Variants in OPRM1 observed in about 807,000 individuals in gnomAD.
The protein encoded by OPRM1 is opioid receptor mu 1.
OPRM1 carries 27 observed loss-of-function variants against 31.8 expected under a neutral mutation model. That is an observed-to-expected ratio of 0.85 (90% CI 0.63 to 1.17). OPRM1 has a LOEUF of 1.17. OPRM1 is among the 50% of genes most tolerant of loss of function. The pLI is 0.00. For synonymous variants in OPRM1, 196 were observed against 189.9 expected (o/e 1.03, Z -0.26); for missense variants, 536 against 511.1 (o/e 1.05, Z -0.47).
At chr6:154,029,819 T>A (rs981777903) in intron 1 of OPRM1, among the ~76,000 whole-genome samples, 7 of 152,090 alleles carry the variant, frequency 4.6e-5, no homozygotes, top group South Asian at 4.2e-4. Context: ...TATAGGAGGG[T>A]TTTTCCCCCT....
At chr6:154,103,188 C>G (rs1323281827) in intron 3 of OPRM1, among the ~76,000 whole-genome samples, 2 of 151,982 alleles carry the variant, frequency 1.3e-5, no homozygotes, top group Non-Finnish European at 2.9e-5. Context: ...ATCTCTGAAG[C>G]AAATAAGAAT....
chr6:154,085,375 G>A (rs1348278294), intron 1 of OPRM1, among the ~76,000 whole-genome samples: 6 of 152,204 alleles, frequency 3.9e-5, no homozygotes, highest in African/African-American at 1.4e-4. Flanking sequence ...GTTCTCAGAA[G>A]AACACAATTT....
intron 1 of OPRM1, among the ~76,000 whole-genome samples, chr6:154,050,747 A>G (rs1230858511): frequency 6.6e-6 from 1 of 152,172 alleles, no homozygotes; most frequent in East Asian, 1.9e-4. Context: ...CACATTTTAA[A>G]ATAACATAAA....
chr6:154,068,904 G>C (rs1390897203), intron 1 of OPRM1, among the ~76,000 whole-genome samples: 1 of 152,100 alleles, frequency 6.6e-6, no homozygotes, highest in Admixed American at 6.5e-5. Flanking sequence ...CATTCCAACA[G>C]GTACAAGCTG....
chr6:154,057,957 A>G (rs928298844), intron 1 of OPRM1, among the ~76,000 whole-genome samples: 4 of 152,262 alleles, frequency 2.6e-5, no homozygotes, highest in African/African-American at 4.8e-5. Context: ...AATTGACACT[A>G]TCTTTTAGAA....
At chr6:154,172,785 T>C (rs1363049624) in intron 3 of OPRM1, among the ~76,000 whole-genome samples, 2 of 152,248 alleles carry the variant, frequency 1.3e-5, no homozygotes, top group Non-Finnish European at 2.9e-5. Context: ...TGTCCTTGCC[T>C]GACAGCTCTG....
intron 1 of OPRM1, among the ~76,000 whole-genome samples, chr6:154,044,792 C>G (rs1447911861): frequency 2.6e-5 from 4 of 152,132 alleles, no homozygotes; most frequent in Non-Finnish European, 5.9e-5. Flanking sequence ...AATAGGATCT[C>G]TTACATATAA....
intron 3 of OPRM1, among the ~76,000 whole-genome samples, chr6:154,165,192 T>C (rs1799327818): frequency 6.6e-6 from 1 of 152,128 alleles, no homozygotes; most frequent in Admixed American, 6.5e-5. Flanking sequence ...AAAATTGTGC[T>C]TAAAGAATTA....
At chr6:154,201,622 C>T (rs369861944) in intron 3 of OPRM1, among the ~76,000 whole-genome samples, 549 of 152,278 alleles carry the variant, frequency 3.6e-3, no homozygotes, top group African/African-American at 0.013. Context: ...AGGCCAGGCG[C>T]GGTGGCTCAT....
intron 1 of OPRM1, among the ~76,000 whole-genome samples, chr6:154,049,271 T>TCACCAC (rs935953201): frequency 6.6e-6 from 1 of 152,004 alleles, no homozygotes; most frequent in Non-Finnish European, 1.5e-5. Flanking sequence ...AACAGTGAAG[T>TCACCAC]CACCACCACC....
chr6:154,037,062 T>C (rs1779347254), upstream of OPRM1, among the ~76,000 whole-genome samples: 1 of 151,934 alleles, frequency 6.6e-6, no homozygotes, highest in Non-Finnish European at 1.5e-5. Context: ...GAATCATGAA[T>C]TGGATCTAAC....
At chr6:154,106,528 C>T (rs1242114809) in intron 3 of OPRM1, among the ~76,000 whole-genome samples, 1 of 152,192 alleles carries the variant, frequency 6.6e-6, no homozygotes, top group Non-Finnish European at 1.5e-5. Flanking sequence ...GTCCTTACAA[C>T]CTTTGAATTA....
At chr6:154,085,840 CTGG>C (rs1790398299) in intron 1 of OPRM1, among the ~76,000 whole-genome samples, 1 of 149,044 alleles carries the variant, frequency 6.7e-6, no homozygotes. Context: ...TTGAACTTTG[CTGG>C]GACAACATTC....
At position 154,236,447 on chromosome 6, in the gene OPRM1, C is replaced by T. The variant is rs185036510; in HGVS notation, c.1165-10246C>T. 3.1e-3 allele frequency among the ~76,000 whole-genome samples: 470 copies of T among 152,070 alleles called. 8 individuals carry two copies. Among genetic ancestry groups the T allele is most frequent in the East Asian group, 1.4e-3 (7 of 5,174 alleles). On this transcript the variant is annotated intron_variant, in intron 3 of 3. Coordinates refer to the OPRM1 transcript ENST00000337049. Reference sequence around the variant, plus strand: ...GGTACAGAGTCTCAGTTTTGCAAGACGAAAAGAGTTCTGGAGATGGATGAT... The same window carrying T: ...GGTACAGAGTCTCAGTTTTGCAAGATGAAAAGAGTTCTGGAGATGGATGAT...
intron 3 of OPRM1, among the ~76,000 whole-genome samples, chr6:154,189,107 C>G (rs1442424471): frequency 6.6e-6 from 1 of 152,028 alleles, no homozygotes; most frequent in Non-Finnish European, 1.5e-5. Flanking sequence ...GTATACATTC[C>G]TACAAATCCA....
At chr6:154,016,329 T>C (rs563580174) in intron 1 of OPRM1, among the ~76,000 whole-genome samples, 23 of 152,240 alleles carry the variant, frequency 1.5e-4, no homozygotes, top group African/African-American at 5.1e-4. Flanking sequence ...GAAACTATAT[T>C]AAAGTAGCAG....
chr6:154,037,373 G>C (rs1449671495), upstream of OPRM1, among the ~76,000 whole-genome samples: 2 of 148,230 alleles, frequency 1.3e-5, no homozygotes, highest in African/African-American at 5.0e-5. Context: ...AAAAAAAAAA[G>C]GGACTTTCAT....
At position 154,039,243 on chromosome 6, in the gene OPRM1, C is replaced by T. The variant is rs929536552; in HGVS notation, c.-302C>T. On this transcript the variant is annotated 5_prime_UTR_variant, in exon 1 of 4. Transcript: ENST00000330432. ...CAAAATCCACCCCTTTTCCCTCCTCCCTCCCTTCCAGCCTCCGAATCCCGC... is the reference window on the plus strand; with the variant it reads ...CAAAATCCACCCCTTTTCCCTCCTCTCTCCCTTCCAGCCTCCGAATCCCGC... 6.4e-7 allele frequency: 1 copy of T among 1,551,622 alleles called. No homozygotes were observed. The highest frequency in any genetic ancestry group is 1.4e-5 in the African/African-American group (1 of 73,050).
At chr6:154,106,226 T>G (rs1293937802) in intron 3 of OPRM1, among the ~76,000 whole-genome samples, 1 of 152,222 alleles carries the variant, frequency 6.6e-6, no homozygotes, top group Non-Finnish European at 1.5e-5. Flanking sequence ...TTTTACTTTC[T>G]TTACACACCT....
Sources: allele counts gnomAD v4.1 joint callset (sites outside exome capture counted in the v4.1 genomes callset), GRCh38; gene constraint gnomAD v4.1.1; transcripts MANE v1.5; gene names NCBI Gene and HGNC (gene_info 2026-07-23, HGNC 2026-07-21).